Variants in RP1 observed in about 807,000 individuals in gnomAD.
The protein encoded by RP1 is RP1 axonemal microtubule associated, also known as oxygen-regulated protein 1.
RP1 carries 16 observed loss-of-function variants against 14.8 expected under a neutral mutation model. The ratio of observed to expected loss-of-function variants is 1.08; its 90% CI spans 0.73 to 1.65. The LOEUF (loss-of-function observed/expected upper bound fraction) is 1.65. Among genes scored for constraint, RP1 ranks in the 40% most tolerant of loss-of-function variants. RP1 has a pLI of 0.00. For missense variants in RP1, 2,631 were observed against 2,535.0 expected (o/e 1.04, Z -0.81); for synonymous variants, 876 against 883.6 (o/e 0.99, Z 0.15).
At chr8:54,649,127 T>G (rs184721500) in exon 4 of RP1, 2 of 1,505,486 alleles carry the variant, frequency 1.3e-6, no homozygotes, top group African/African-American at 1.4e-5. Context: ...GATTTCAGGT[T>G]GGCCATGAAG....
At position 54,626,965 on chromosome 8, in the gene RP1, A is replaced by G. The variant is rs1300386362; in HGVS notation, c.3083A>G (p.Gln1028Arg). The G allele has an allele frequency of 1.9e-6, 3 of 1,614,020 alleles. No homozygotes were observed. Among genetic ancestry groups the G allele is most frequent in the Non-Finnish European group, 1.7e-6 (2 of 1,179,978 alleles). The change falls in exon 4 of 4, where the codon CAG (glutamine) becomes CGG (arginine). Residue 1028 changes from glutamine (Q) to arginine (R), a missense_variant. Transcript: ENST00000220676. ...CTGCATGAACACTGTACTTTGTCAC[A>G]GTCAGCTATTAATGATCATAATACT... ...VPLHEHCTLS[Q>R]SAINDHNTKS...
At chr8:54,799,301 G>T (rs564134980) in intron 24 of RP1, among the ~76,000 whole-genome samples, 1 of 151,810 alleles carries the variant, frequency 6.6e-6, no homozygotes, top group African/African-American at 2.4e-5. Flanking sequence ...CATTTATTGC[G>T]ATCTGTTCTT....
At chr8:54,852,699 A>C in exon 26 of RP1, 1 of 1,232,080 alleles carries the variant, frequency 8.1e-7, no homozygotes, top group Non-Finnish European at 1.0e-6. Context: ...TCAGTCCAAA[A>C]ACAATGAAAT....
At position 54,783,689 on chromosome 8, in the gene RP1, TA is replaced by T. The variant is rs1810245947; in HGVS notation, c.3596del (p.Asn1199ThrfsTer42). The T allele has an allele frequency of 8.1e-7, 1 of 1,231,364 alleles. No homozygotes were observed. The highest frequency in any genetic ancestry group is 1.0e-6 in the Non-Finnish European group (1 of 987,308). The allele number at this position is 1,231,364 out of a possible 1,614,324, so 76.3% of individuals were successfully genotyped here. A position where few individuals can be genotyped will look rare whatever the true frequency, so the allele number is the denominator to read the frequency against. Reference sequence around the variant, plus strand: ...CTGGGAAACACCAGCTGTTTAACCCTAACACTGCAGATATATTCAAGGTAAA... The same window carrying T: ...CTGGGAAACACCAGCTGTTTAACCCTACACTGCAGATATATTCAAGGTAAA... On this transcript the variant is annotated frameshift_variant, in exon 24 of 29. Transcript: ENST00000637698. LOFTEE classifies it high-confidence loss of function.
intron 6 of RP1, among the ~76,000 whole-genome samples, chr8:54,657,837 A>G (rs1286634327): frequency 6.6e-6 from 1 of 152,252 alleles, no homozygotes; most frequent in Non-Finnish European, 1.5e-5. Context: ...TGCGAAGGAT[A>G]AAGGTTCCTA....
chr8:54,783,332 A>AC (rs777208155), intron 23 of RP1, among the ~76,000 whole-genome samples: 3 of 152,154 alleles, frequency 2.0e-5, no homozygotes, highest in Non-Finnish European at 4.4e-5. Flanking sequence ...TAAAAAGCCC[A>AC]CTACTATTTG....
At chr8:54,817,346 T>TGGA (rs1811158798) in intron 24 of RP1, among the ~76,000 whole-genome samples, 1 of 152,096 alleles carries the variant, frequency 6.6e-6, no homozygotes, top group Non-Finnish European at 1.5e-5. Flanking sequence ...GGCATGCTTT[T>TGGA]GGAGGAGATG....
intron 12 of RP1, among the ~76,000 whole-genome samples, chr8:54,694,406 C>T (rs989721426): frequency 2.0e-5 from 3 of 152,184 alleles, no homozygotes; most frequent in African/African-American, 7.2e-5. Flanking sequence ...ACCAGCTCCT[C>T]CTTGTAGCTC....
intron 12 of RP1, among the ~76,000 whole-genome samples, chr8:54,682,219 T>C (rs1807452573): frequency 6.6e-6 from 1 of 152,016 alleles, no homozygotes; most frequent in Non-Finnish European, 1.5e-5. Context: ...TTTCTTGGCC[T>C]TTTTTCCCCT....
intron 17 of RP1, among the ~76,000 whole-genome samples, chr8:54,727,951 T>A (rs1808697366): frequency 6.6e-6 from 1 of 151,810 alleles, no homozygotes; most frequent in Non-Finnish European, 1.5e-5. Context: ...AAATGGAGAG[T>A]GGGCCAAAGA....
At chr8:54,780,670 A>G (rs1810165522) in intron 23 of RP1, among the ~76,000 whole-genome samples, 2 of 152,214 alleles carry the variant, frequency 1.3e-5, no homozygotes, top group African/African-American at 2.4e-5. Flanking sequence ...TTTATATAGT[A>G]TTAGGTATTA....
intron 22 of RP1, among the ~76,000 whole-genome samples, chr8:54,760,677 A>G (rs759919306): frequency 5.3e-4 from 80 of 152,096 alleles, no homozygotes; most frequent in Non-Finnish European, 7.5e-4. Flanking sequence ...CTGTCCTCTT[A>G]CAAGATCTTA....
At chr8:54,586,739 T>C (rs978776187) in intron 1 of RP1, among the ~76,000 whole-genome samples, 2 of 152,156 alleles carry the variant, frequency 1.3e-5, no homozygotes, top group East Asian at 3.9e-4. Flanking sequence ...CAGTTTGATC[T>C]CAGACTGCTG....
In RP1 at chr8:54,621,499, A is replaced by C. The variant is rs746083374; in HGVS notation, c.533A>C (p.Gln178Pro). 7 of 1,614,136 alleles carry C rather than the reference A, an allele frequency of 4.3e-6. No homozygotes were observed. The highest frequency in any genetic ancestry group is 5.9e-6 in the Non-Finnish European group (7 of 1,180,036). ...RAVLLSRRVT[Q>P]SFEAFLQHLT... ...GTTCTTCTGAGCAGGAGGGTCACCC[A>C]GAGCTTCGAGGCATTTCTACAGCAC... The change falls in exon 2 of 4, where the codon CAG becomes CCG. Residue 178 changes from glutamine (Q) to proline (P), a missense_variant. Gln to Pro is a moderately conservative substitution (Grantham distance 76). Coordinates refer to ENST00000220676, the MANE Select transcript of RP1 (RefSeq NM_006269.2).
At chr8:54,613,879 C>G (rs1056616135), upstream of RP1, among the ~76,000 whole-genome samples, 2 of 152,124 alleles carry the variant, frequency 1.3e-5, no homozygotes, top group Non-Finnish European at 2.9e-5. Context: ...AAGCTGAAGT[C>G]AGATCACAAT....
At chr8:54,807,188 A>G (rs1467883023) in intron 24 of RP1, among the ~76,000 whole-genome samples, 2 of 152,228 alleles carry the variant, frequency 1.3e-5, no homozygotes, top group African/African-American at 4.8e-5. Context: ...ACACAGCTTT[A>G]TGAGGCCAGG....
At chr8:54,675,757 T>C (rs1807283287) in intron 8 of RP1, among the ~76,000 whole-genome samples, 1 of 152,146 alleles carries the variant, frequency 6.6e-6, no homozygotes, top group Non-Finnish European at 1.5e-5. Context: ...TATGATGGTG[T>C]TTTTTTCTGT....
At chr8:54,817,877 T>C (rs1280101018) in intron 24 of RP1, among the ~76,000 whole-genome samples, 1 of 152,234 alleles carries the variant, frequency 6.6e-6, no homozygotes, top group Non-Finnish European at 1.5e-5. Flanking sequence ...AAAGTTCCAC[T>C]AGCAGAGAAA....
At chr8:54,837,359 A>C in intron 24 of RP1, 1 of 225,182 alleles carries the variant, frequency 4.4e-6, no homozygotes, top group Non-Finnish European at 7.5e-6. Context: ...TATTTATGAT[A>C]AAAAAGTAAG....
Sources: allele counts gnomAD v4.1 joint callset (sites outside exome capture counted in the v4.1 genomes callset), GRCh38; gene constraint gnomAD v4.1.1; transcripts MANE v1.5; gene names NCBI Gene and HGNC (gene_info 2026-07-23, HGNC 2026-07-21).